The following MGAT4C variants were observed in gnomAD, a reference collection of about 807,000 sequenced individuals.
MGAT4C encodes MGAT4 family member C.
A neutral mutation model predicts 40.1 loss-of-function variants in MGAT4C; 19 were observed. The ratio of observed to expected loss-of-function variants is 0.47; its 90% confidence interval spans 0.33 to 0.70. The LOEUF is 0.70. Ranked by LOEUF, MGAT4C falls within the 30% of genes least tolerant of loss-of-function variation. MGAT4C has a pLI of 0.02. For synonymous variants in MGAT4C, 181 were observed against 187.1 expected (o/e 0.97, Z 0.27); for missense variants, 491 against 563.2 (o/e 0.87, Z 1.30).
At chr12:86,357,558 C>T (rs1190772535) in intron 3 of MGAT4C, among the ~76,000 whole-genome samples, 4 of 152,128 alleles carry the variant, frequency 2.6e-5, no homozygotes, top group Non-Finnish European at 4.4e-5. Flanking sequence ...TCAAACCCAT[C>T]GCAAAGAAGC....
intron 2 of MGAT4C, among the ~76,000 whole-genome samples, chr12:86,678,228 G>A (rs148068639): frequency 6.0e-4 from 91 of 152,004 alleles, no homozygotes; most frequent in African/African-American, 2.0e-3. Flanking sequence ...TAGTTTAGCC[G>A]TTTCAGTCAA....
chr12:86,405,384 T>G (rs557537311), intron 3 of MGAT4C, among the ~76,000 whole-genome samples: 3 of 152,000 alleles, frequency 2.0e-5, no homozygotes, highest in African/African-American at 4.8e-5. Context: ...AAATACCACT[T>G]AGAAACAGTC....
At chr12:86,411,459 T>C (rs1956603693) in intron 3 of MGAT4C, among the ~76,000 whole-genome samples, 1 of 152,216 alleles carries the variant, frequency 6.6e-6, no homozygotes, top group African/African-American at 2.4e-5. Flanking sequence ...ATTGTGCCTC[T>C]GAACTAGGGG....
chr12:86,475,233 T>C (rs1258235805), intron 2 of MGAT4C, among the ~76,000 whole-genome samples: 1 of 151,674 alleles, frequency 6.6e-6, no homozygotes, highest in Non-Finnish European at 1.5e-5. Context: ...ACATTTGTTT[T>C]AGTGATTAAA....
intron 1 of MGAT4C, among the ~76,000 whole-genome samples, chr12:86,184,150 T>C (rs992652054): frequency 3.9e-5 from 6 of 152,150 alleles, no homozygotes; most frequent in Non-Finnish European, 8.8e-5. Flanking sequence ...ATTTAGAAAA[T>C]GATATTCCAT....
intron 1 of MGAT4C, among the ~76,000 whole-genome samples, chr12:86,224,564 C>T (rs1951006424): frequency 6.6e-6 from 1 of 152,156 alleles, no homozygotes; most frequent in South Asian, 2.1e-4. Flanking sequence ...TAAAACAAGT[C>T]TAAATAAACT....
intron 2 of MGAT4C, among the ~76,000 whole-genome samples, chr12:86,480,858 C>CT (rs147255134): frequency 9.3e-4 from 140 of 150,828 alleles, no homozygotes; most frequent in African/African-American, 2.8e-3. Context: ...GTTTTTGTTT[C>CT]TTTTTTTTTC....
At chr12:86,153,613 G>A (rs1490541023) in intron 1 of MGAT4C, among the ~76,000 whole-genome samples, 1 of 152,212 alleles carries the variant, frequency 6.6e-6, no homozygotes, top group Non-Finnish European at 1.5e-5. Flanking sequence ...GAAGTGACTG[G>A]ATTGTAGGGA....
At chr12:86,018,813 TAA>T (rs1210859622) in intron 2 of MGAT4C, among the ~76,000 whole-genome samples, 1 of 152,074 alleles carries the variant, frequency 6.6e-6, no homozygotes, top group East Asian at 1.9e-4. Context: ...AGATTTACAT[TAA>T]GTTTCACTTT....
At chr12:86,729,918 T>C (rs1455455705) in intron 1 of MGAT4C, among the ~76,000 whole-genome samples, 2 of 152,126 alleles carry the variant, frequency 1.3e-5, no homozygotes, top group East Asian at 3.8e-4. Flanking sequence ...TGCTTTATAC[T>C]GTTCAAGACA....
intron 1 of MGAT4C, among the ~76,000 whole-genome samples, chr12:86,803,596 G>A (rs1476116278): frequency 6.7e-6 from 1 of 149,306 alleles, no homozygotes; most frequent in African/African-American, 2.4e-5. Context: ...CCATCAAAAA[G>A]TGGGCGAAGG....
intron 3 of MGAT4C, among the ~76,000 whole-genome samples, chr12:86,388,241 T>C (rs1383089608): frequency 6.6e-6 from 1 of 152,150 alleles, no homozygotes; most frequent in Non-Finnish European, 1.5e-5. Flanking sequence ...TGTATTTAGT[T>C]GGATTTCAAA....
intron 1 of MGAT4C, among the ~76,000 whole-genome samples, chr12:86,817,184 A>G (rs898647869): frequency 6.6e-6 from 1 of 151,184 alleles, no homozygotes; most frequent in Non-Finnish European, 1.5e-5. Context: ...TATTCATACA[A>G]CACAATTGTT....
At chr12:85,991,289 CG>C (rs1565824599) in intron 2 of MGAT4C, among the ~76,000 whole-genome samples, 1 of 152,164 alleles carries the variant, frequency 6.6e-6, no homozygotes, top group African/African-American at 2.4e-5. Flanking sequence ...TGGCTGAACA[CG>C]GGGCTTTTAT....
intron 3 of MGAT4C, among the ~76,000 whole-genome samples, chr12:86,358,393 T>A (rs900748376): frequency 6.6e-6 from 1 of 152,090 alleles, no homozygotes; most frequent in Admixed American, 6.5e-5. Context: ...GTAAAGACCA[T>A]CGAGGCTAGG....
chr12:86,777,800 G>A (rs1284489281), intron 1 of MGAT4C, among the ~76,000 whole-genome samples: 2 of 152,042 alleles, frequency 1.3e-5, no homozygotes, highest in Non-Finnish European at 2.9e-5. Context: ...TGGAATAGAA[G>A]GATTACCTTA....
intron 1 of MGAT4C, among the ~76,000 whole-genome samples, chr12:86,062,612 A>G (rs1894106296): frequency 6.6e-6 from 1 of 152,094 alleles, no homozygotes; most frequent in Admixed American, 6.5e-5. Flanking sequence ...ACCCAATGTA[A>G]GGAAGCTAAG....
intron 2 of MGAT4C, among the ~76,000 whole-genome samples, chr12:86,632,579 A>T (rs917416437): frequency 5.9e-5 from 9 of 152,140 alleles, no homozygotes; most frequent in African/African-American, 1.9e-4. Context: ...ATGCAGCCAT[A>T]AAAAAGGATG....
At chr12:86,784,766 A>C in intron 1 of MGAT4C, among the ~76,000 whole-genome samples, 1 of 152,028 alleles carries the variant, frequency 6.6e-6, no homozygotes, top group East Asian at 1.9e-4. Context: ...TCTTAATCTT[A>C]GAAAAAGAAA....
Sources: gnomAD v4.1 joint callset for allele counts (sites outside exome capture counted in the v4.1 genomes callset) on GRCh38, gnomAD v4.1.1 for gene constraint, MANE v1.5 for transcripts, NCBI Gene and HGNC (gene_info 2026-07-23, HGNC 2026-07-21) for gene names.